Variants in PARN observed in about 807,000 individuals in gnomAD.
The protein encoded by PARN is poly(A)-specific ribonuclease PARN.
A neutral mutation model predicts 102.8 loss-of-function variants in PARN; 71 were observed. That is an observed-to-expected ratio of 0.69 (90% CI 0.57 to 0.84). The LOEUF (loss-of-function observed/expected upper bound fraction) is 0.84, where lower values mean the gene tolerates loss of function less well. PARN is among the 40% of genes least tolerant of loss of function. The pLI, the probability that PARN is intolerant of heterozygous loss-of-function variation, is 0.00. For synonymous variants in PARN, 261 were observed against 252.9 expected (o/e 1.03, Z -0.30); for missense variants, 782 against 760.9 (o/e 1.03, Z -0.33).
At chr16:14,496,366 T>C (rs1164185239) in intron 21 of PARN, among the ~76,000 whole-genome samples, 1 of 152,142 alleles carries the variant, frequency 6.6e-6, no homozygotes, top group Admixed American at 6.5e-5. Flanking sequence ...AGAAGGAATT[T>C]ATGATGGCAT....
At chr16:14,510,001 C>T (rs1418971668) in intron 21 of PARN, among the ~76,000 whole-genome samples, 1 of 152,114 alleles carries the variant, frequency 6.6e-6, no homozygotes, top group East Asian at 1.9e-4. Context: ...TCACCCAGAG[C>T]AAACAAACAA....
At chr16:14,505,723 A>G (rs1235281359) in intron 21 of PARN, among the ~76,000 whole-genome samples, 1 of 152,242 alleles carries the variant, frequency 6.6e-6, no homozygotes, top group Non-Finnish European at 1.5e-5. Flanking sequence ...CTTATAAATC[A>G]GCAAGAAAAG....
intron 7 of PARN, among the ~76,000 whole-genome samples, chr16:14,610,341 T>TG (rs1971452458): frequency 1.3e-5 from 2 of 151,658 alleles, no homozygotes; most frequent in South Asian, 4.2e-4. Context: ...GGTGTGGTGG[T>TG]GCACGCCTAT....
At chr16:14,566,332 G>C (rs906326563) in intron 18 of PARN, among the ~76,000 whole-genome samples, 1 of 152,226 alleles carries the variant, frequency 6.6e-6, no homozygotes. Context: ...ACACAGAGGA[G>C]GAGGAGGCAA....
chr16:14,607,618 C>G (rs1201400521), intron 9 of PARN, among the ~76,000 whole-genome samples: 1 of 152,128 alleles, frequency 6.6e-6, no homozygotes, highest in Non-Finnish European at 1.5e-5. Context: ...GGAGAGGGAT[C>G]TGGAATGCAG....
chr16:14,554,610 T>G (rs1967543712), intron 19 of PARN, among the ~76,000 whole-genome samples: 2 of 151,854 alleles, frequency 1.3e-5, no homozygotes, highest in Non-Finnish European at 2.9e-5. Context: ...TTTTTATTTT[T>G]TAATTTTATT....
At chr16:14,437,279 C>T (rs2151544748) in intron 23 of PARN, among the ~76,000 whole-genome samples, 1 of 152,140 alleles carries the variant, frequency 6.6e-6, no homozygotes, top group South Asian at 2.1e-4. Context: ...AACATCCCTG[C>T]CAAAGTCCCT....
chr16:14,482,922 A>C, intron 21 of PARN, 95 bp from the exon 22 acceptor site: 1 of 1,032,794 alleles, frequency 9.7e-7, no homozygotes, highest in Non-Finnish European at 1.4e-6. Context: ...TGGTCAAAGG[A>C]GCCCCATCAG....
chr16:14,625,198 C>CA (rs912651892), intron 5 of PARN, among the ~76,000 whole-genome samples: 209 of 143,038 alleles, frequency 1.5e-3, no homozygotes, highest in Admixed American at 1.8e-3. Flanking sequence ...GAAAATTTAC[C>CA]AAAAAAAAAA....
intron 5 of PARN, among the ~76,000 whole-genome samples, chr16:14,624,214 T>C (rs1430481118): frequency 6.6e-6 from 1 of 152,158 alleles, no homozygotes; most frequent in Non-Finnish European, 1.5e-5. Flanking sequence ...CTGAGAGAGA[T>C]TTTGACCCAA....
chr16:14,595,289 A>T (rs1237010762), intron 12 of PARN, among the ~76,000 whole-genome samples: 1 of 152,180 alleles, frequency 6.6e-6, no homozygotes, highest in Non-Finnish European at 1.5e-5. Flanking sequence ...AAAATAAGTC[A>T]CGTGGTATTG....
intron 21 of PARN, among the ~76,000 whole-genome samples, chr16:14,530,933 CTTG>C (rs1290536593): frequency 1.3e-5 from 2 of 152,172 alleles, no homozygotes; most frequent in African/African-American, 4.8e-5. Context: ...GACAAAAACA[CTTG>C]TTATCTGTAT....
At chr16:14,568,418 T>C (rs1247738196) in intron 18 of PARN, among the ~76,000 whole-genome samples, 1 of 148,632 alleles carries the variant, frequency 6.7e-6, no homozygotes, top group Admixed American at 6.7e-5. Context: ...TTTCACCACA[T>C]TGGCCAGGCT....
chr16:14,467,249 T>C (rs1280382885), intron 22 of PARN, among the ~76,000 whole-genome samples: 2 of 152,182 alleles, frequency 1.3e-5, no homozygotes, highest in Admixed American at 1.3e-4. Flanking sequence ...TATGATGGCA[T>C]TACCAGAAGG....
At chr16:14,590,501 A>G (rs1970127192) in intron 13 of PARN, among the ~76,000 whole-genome samples, 1 of 151,630 alleles carries the variant, frequency 6.6e-6, no homozygotes, top group African/African-American at 2.4e-5. Context: ...CGGGCATGGT[A>G]GCAGGCATCT....
chr16:14,549,213 G>A (rs770879396), intron 21 of PARN, among the ~76,000 whole-genome samples: 10 of 152,112 alleles, frequency 6.6e-5, no homozygotes, highest in South Asian at 2.1e-4. Context: ...AGACTATACC[G>A]GAAAATTAAA....
intron 22 of PARN, among the ~76,000 whole-genome samples, chr16:14,470,465 ATTAT>A (rs1962662935): frequency 6.7e-6 from 1 of 149,162 alleles, no homozygotes; most frequent in Non-Finnish European, 1.5e-5. Flanking sequence ...TATTATTATT[ATTAT>A]TATTTGAGAC....
intron 18 of PARN, among the ~76,000 whole-genome samples, chr16:14,578,331 CAAA>C (rs1199897215): frequency 1.8e-4 from 8 of 44,964 alleles, no homozygotes; most frequent in East Asian, 6.4e-4. Flanking sequence ...TCTGTCTCAC[CAAA>C]AAAAAAAAAA....
intron 22 of PARN, among the ~76,000 whole-genome samples, chr16:14,461,131 T>C (rs969310487): frequency 2.0e-5 from 3 of 152,192 alleles, no homozygotes; most frequent in Non-Finnish European, 2.9e-5. Context: ...GGACATTCCA[T>C]AGATTAGCTG....
Sources: allele counts gnomAD v4.1 joint callset (sites outside exome capture counted in the v4.1 genomes callset), GRCh38; gene constraint gnomAD v4.1.1; transcripts MANE v1.5; gene names NCBI Gene and HGNC (gene_info 2026-07-23, HGNC 2026-07-21).